P2RY14: variants seen among roughly 807,000 people sequenced by gnomAD.
P2RY14 encodes the protein purinergic receptor P2Y14.
In P2RY14, 2 loss-of-function variants were observed where a neutral mutation model predicts 0.9. That is an observed-to-expected ratio of 2.16 (90% CI 0.88 to 6.79). P2RY14 has a LOEUF of 6.79. Among genes scored for constraint, P2RY14 ranks in the 30% most tolerant of loss-of-function variants. The probability of loss-of-function intolerance (pLI) is 0.05; values close to 1 mark genes in which losing one functional copy is unlikely to be tolerated. For synonymous variants in P2RY14, 158 were observed against 147.2 expected (o/e 1.07, Z -0.53); for missense variants, 378 against 400.1 (o/e 0.94, Z 0.47).
At chr3:151,252,146 C>T (rs1171033701) in intron 1 of P2RY14, among the ~76,000 whole-genome samples, 1 of 152,102 alleles carries the variant, frequency 6.6e-6, no homozygotes, top group Non-Finnish European at 1.5e-5. Flanking sequence ...AACTCACCTT[C>T]CTGTGTTACC....
At chr3:151,227,904 C>T (rs1222510887) in intron 1 of P2RY14, among the ~76,000 whole-genome samples, 5 of 152,130 alleles carry the variant, frequency 3.3e-5, no homozygotes, top group Admixed American at 2.0e-4. Flanking sequence ...GGCCTGTATC[C>T]ACTAGGTGGC....
At chr3:151,224,233 C>T in intron 1 of P2RY14, among the ~76,000 whole-genome samples, 1 of 152,138 alleles carries the variant, frequency 6.6e-6, no homozygotes, top group Non-Finnish European at 1.5e-5. Flanking sequence ...AAAGGTACAA[C>T]TTTTATATAT....
intron 1 of P2RY14, chr3:151,269,557 A>G (rs867400619): frequency 5.6e-5 from 17 of 302,228 alleles, no homozygotes; most frequent in Admixed American, 4.8e-4. Context: ...CCAAATTTCA[A>G]ATTTTTGGGT....
At chr3:151,269,397 TCACACACACA>T (rs71801434) in intron 1 of P2RY14, 45,419 of 144,620 alleles carry the variant, frequency 0.31, 7,017 homozygotes, top group South Asian at 0.36. Flanking sequence ...TGAAACTCCA[TCACACACACA>T]CACACACACA....
chr3:151,253,272 C>A (rs919998718), intron 1 of P2RY14, among the ~76,000 whole-genome samples: 1 of 152,164 alleles, frequency 6.6e-6, no homozygotes, highest in Non-Finnish European at 1.5e-5. Flanking sequence ...TTGAGAGGCA[C>A]GTATACTGCA....
intron 2 of P2RY14, among the ~76,000 whole-genome samples, chr3:151,218,040 C>T (rs1250830807): frequency 6.6e-6 from 1 of 152,210 alleles, no homozygotes; most frequent in African/African-American, 2.4e-5. Context: ...GATATCTACT[C>T]AGTCTCCTCT....
chr3:151,236,403 C>G (rs1732812756), intron 1 of P2RY14, among the ~76,000 whole-genome samples: 1 of 152,174 alleles, frequency 6.6e-6, no homozygotes, highest in African/African-American at 2.4e-5. Flanking sequence ...ATTCAGGAAG[C>G]ATTCTTGTTA....
At chr3:151,252,567 T>G (rs1039383456) in intron 1 of P2RY14, among the ~76,000 whole-genome samples, 4 of 152,216 alleles carry the variant, frequency 2.6e-5, no homozygotes, top group African/African-American at 9.6e-5. Flanking sequence ...GCTTCCTTAA[T>G]TTTCTCTTTC....
At chr3:151,225,959 C>A (rs1012596546) in intron 1 of P2RY14, among the ~76,000 whole-genome samples, 1 of 152,072 alleles carries the variant, frequency 6.6e-6, no homozygotes, top group South Asian at 2.1e-4. Flanking sequence ...TCCTGTGTAC[C>A]CCTGATATTT....
intron 2 of P2RY14, among the ~76,000 whole-genome samples, chr3:151,216,553 G>T (rs943273372): frequency 2.7e-4 from 41 of 152,040 alleles, no homozygotes; most frequent in Non-Finnish European, 1.5e-4. Context: ...TTGCTTTATG[G>T]CAAAACTAGA....
chr3:151,255,642 A>G (rs1233691438), intron 1 of P2RY14, among the ~76,000 whole-genome samples: 2 of 152,212 alleles, frequency 1.3e-5, no homozygotes, highest in Non-Finnish European at 2.9e-5. Context: ...GGCCCCTGAG[A>G]TGAAACCTTT....
Position 151,213,720 on chromosome 3 carries a change from A to T in P2RY14, c.597T>A (p.Phe199Leu). Residue 199 changes from phenylalanine (F) to leucine (L), a missense_variant, in exon 3 of 3, where the codon TTT becomes TTA. Physicochemically the swap from Phe to Leu is conservative, Grantham distance 22 (BLOSUM62 0). Transcript: ENST00000309170. ...YIFVAIFWIV[F>L]LLLIVFYTAI... ...CAGTATAGAAAACGATTAACAAAAG[A>T]AACACAATCCAGAAGATGGCCACGA... The T allele has an allele frequency of 6.2e-7, 1 of 1,614,228 alleles. No homozygotes were observed. The highest frequency in any genetic ancestry group is 8.5e-7 in the Non-Finnish European group (1 of 1,180,038).
At chr3:151,242,065 C>T (rs1332345295) in intron 1 of P2RY14, among the ~76,000 whole-genome samples, 16 of 152,218 alleles carry the variant, frequency 1.1e-4, no homozygotes, top group East Asian at 7.7e-4. Flanking sequence ...GCTTTTCCGA[C>T]GGGCTTAAAA....
intron 1 of P2RY14, among the ~76,000 whole-genome samples, chr3:151,263,977 C>T (rs186738399): frequency 6.6e-6 from 1 of 152,220 alleles, no homozygotes; most frequent in Non-Finnish European, 1.5e-5. Flanking sequence ...AGATCTCTTA[C>T]CACCACTCCT....
chr3:151,262,734 A>G (rs1057274294), intron 1 of P2RY14, among the ~76,000 whole-genome samples: 6 of 148,682 alleles, frequency 4.0e-5, no homozygotes, highest in Non-Finnish European at 7.5e-5. Context: ...CACTAGGAAG[A>G]TAACAGGAAT....
At chr3:151,247,208 T>C (rs1317375172) in intron 1 of P2RY14, among the ~76,000 whole-genome samples, 1 of 152,088 alleles carries the variant, frequency 6.6e-6, no homozygotes, top group Non-Finnish European at 1.5e-5. Context: ...AGTGTGGCGA[T>C]TCCTCAGGGA....
At position 151,213,074 on chromosome 3, in the gene P2RY14, A is replaced by T. The variant is rs1559883899; in HGVS notation, c.*226T>A. On this transcript the variant is annotated 3_prime_UTR_variant, in exon 3 of 3. Transcript: ENST00000309170. ...GAATAATTGTATGTATTAATTTTTT[A>T]TTAATAGAGAATAGAAAGGTCAGTA... 3 of 309,034 alleles carry T rather than the reference A, an allele frequency of 9.7e-6. No individual in the cohort carries two copies. Among genetic ancestry groups the T allele is most frequent in the Non-Finnish European group, 1.7e-5 (3 of 171,784 alleles). 19.1% of individuals were successfully genotyped at this position (309,034 alleles called of 1,614,324 possible).
At chr3:151,223,625 G>A (rs2149280283) in intron 1 of P2RY14, among the ~76,000 whole-genome samples, 1 of 152,274 alleles carries the variant, frequency 6.6e-6, no homozygotes, top group East Asian at 1.9e-4. Context: ...TTATAAGTGG[G>A]AACTAAACAT....
intron 1 of P2RY14, among the ~76,000 whole-genome samples, chr3:151,220,276 T>C (rs1028607111): frequency 1.3e-4 from 20 of 151,900 alleles, no homozygotes; most frequent in Admixed American, 9.8e-4. Context: ...CTGAAAGCCA[T>C]GTGGTCTGAT....
Sources: allele counts gnomAD v4.1 joint callset (sites outside exome capture counted in the v4.1 genomes callset), GRCh38; gene constraint gnomAD v4.1.1; transcripts MANE v1.5; gene names NCBI Gene and HGNC (gene_info 2026-07-23, HGNC 2026-07-21).